Variants in IARS2 observed in about 807,000 individuals in gnomAD.
IARS2 encodes isoleucyl-tRNA synthetase 2, mitochondrial.
A neutral mutation model predicts 126.3 loss-of-function variants in IARS2; 56 were observed. That is an observed-to-expected ratio of 0.44 (90% confidence interval 0.36 to 0.55). The LOEUF (loss-of-function observed/expected upper bound fraction) is 0.55. Among genes scored for constraint, IARS2 ranks in the 20% least tolerant of loss-of-function variants. The pLI is 0.00. For synonymous variants in IARS2, 407 were observed against 441.1 expected (o/e 0.92, Z 0.97); for missense variants, 1,127 against 1,245.9 (o/e 0.90, Z 1.44).
At chr1:220,113,711 C>T (rs1656858317) in intron 11 of IARS2, among the ~76,000 whole-genome samples, 1 of 151,766 alleles carries the variant, frequency 6.6e-6, no homozygotes, top group Non-Finnish European at 1.5e-5. Context: ...CTGCCATGCT[C>T]ATAGCTCACT....
chr1:220,103,710 G>A, intron 8 of IARS2, 148 bp downstream of exon 8: 1 of 529,374 alleles, frequency 1.9e-6, no homozygotes, highest in Non-Finnish European at 3.4e-6. Context: ...CACTAAAGGA[G>A]AATATACATT....
intron 9 of IARS2, 146 bp from the exon 10 acceptor site, chr1:220,106,915 A>G: frequency 1.6e-6 from 1 of 611,202 alleles, no homozygotes; most frequent in South Asian, 1.9e-5. Flanking sequence ...TATAGGCCTG[A>G]GTGCCGCGCC....
chr1:220,139,133 A>G lies in IARS2; in HGVS notation c.2301A>G (p.Ala767=), dbSNP rs767983347. ...QYMLHLLQDL[A]NKITELYKQY... ...TGCTACACTTACTGCAGGATTTGGC[A>G]AACAAGGTAAATGTAAATTAATAAA... is the stretch of plus-strand genomic sequence containing the variant. Residue 767 remains alanine (A), a synonymous_variant, in exon 18 of 23, where the codon GCA becomes GCG. Transcript: ENST00000366922. 2.5e-6 allele frequency: 4 copies of G among 1,605,004 alleles called. No homozygotes were observed. The East Asian group carries it at 8.9e-5, about 36-fold the overall frequency.
chr1:220,141,712 C>T (rs768695805), intron 19 of IARS2, 91 bp from the exon 20 acceptor site: 50 of 1,246,614 alleles, frequency 4.0e-5, no homozygotes, highest in Non-Finnish European at 5.4e-5. Flanking sequence ...GGATTAGCCA[C>T]TAGGAATAAA....
At chr1:220,118,054 T>G (rs547104279) in intron 12 of IARS2, 32 of 432,564 alleles carry the variant, frequency 7.4e-5, no homozygotes, top group South Asian at 5.5e-4. Flanking sequence ...TTTGTTAATT[T>G]TATAAAACAG....
intron 10 of IARS2, among the ~76,000 whole-genome samples, chr1:220,108,099 T>C (rs2102821302): frequency 6.6e-6 from 1 of 152,130 alleles, no homozygotes; most frequent in South Asian, 2.1e-4. Flanking sequence ...CTCACTCTGT[T>C]GCCCAGGCTG....
chr1:220,105,135 T>C (rs959051185), intron 8 of IARS2, among the ~76,000 whole-genome samples: 3 of 152,160 alleles, frequency 2.0e-5, no homozygotes, highest in African/African-American at 7.2e-5. Flanking sequence ...ACACCCTCTC[T>C]CACTGTGTTG....
At chr1:220,117,133 A>AG (rs1656929077) in intron 12 of IARS2, among the ~76,000 whole-genome samples, 1 of 144,040 alleles carries the variant, frequency 6.9e-6, no homozygotes, top group African/African-American at 2.5e-5. Context: ...CACACTGGAA[A>AG]GTTTTTTTTT....
intron 2 of IARS2, among the ~76,000 whole-genome samples, chr1:220,098,311 A>G (rs1165121064): frequency 6.6e-6 from 1 of 152,180 alleles, no homozygotes; most frequent in Non-Finnish European, 1.5e-5. Context: ...CACACATGCT[A>G]ATTATAGTCT....
At chr1:220,113,006 G>A (rs1299470619) in intron 11 of IARS2, among the ~76,000 whole-genome samples, 1 of 152,034 alleles carries the variant, frequency 6.6e-6, no homozygotes, top group Non-Finnish European at 1.5e-5. Flanking sequence ...GGAATTATAG[G>A]CATGCACCAC....
At chr1:220,145,968 C>A (rs1312280981) in intron 22 of IARS2, among the ~76,000 whole-genome samples, 1 of 152,134 alleles carries the variant, frequency 6.6e-6, no homozygotes, top group East Asian at 1.9e-4. Flanking sequence ...TTGTGTCCCC[C>A]TGCTTTGATA....
chr1:220,143,156 T>C, intron 21 of IARS2, 22 bp downstream of exon 21: 1 of 1,581,670 alleles, frequency 6.3e-7, no homozygotes, highest in Non-Finnish European at 8.7e-7. Flanking sequence ...TATGTACCTT[T>C]TGAAATGGTG....
chr1:220,114,941 CTTT>C (rs5781165), intron 12 of IARS2, among the ~76,000 whole-genome samples: 2 of 144,032 alleles, frequency 1.4e-5, no homozygotes. Context: ...CAGTTTTTCC[CTTT>C]TTTTTTTTTT....
chr1:220,106,757 C>G (rs1329464071), intron 9 of IARS2, among the ~76,000 whole-genome samples: 1 of 151,690 alleles, frequency 6.6e-6, no homozygotes, highest in Non-Finnish European at 1.5e-5. Flanking sequence ...CTCAGCCTCC[C>G]GAGTAGCTGG....
chr1:220,147,651 C>A lies in IARS2; in HGVS notation c.*16C>A, dbSNP rs768954875. ...TGGAAAATAGTATTAACAGCTCACT[C>A]GAGCAAGAACCCTCCTGACAGTACT... is the stretch of plus-strand genomic sequence containing the variant. On this transcript the variant is annotated 3_prime_UTR_variant, in exon 23 of 23. Transcript: ENST00000366922. The A allele has an allele frequency of 3.1e-6, 5 of 1,612,952 alleles. No individual in the cohort carries two copies. In the East Asian group the frequency reaches 1.1e-4, roughly 36 times the overall value.
intron 10 of IARS2, 78 bp from the exon 11 acceptor site, chr1:220,110,708 T>G: frequency 8.8e-7 from 1 of 1,135,424 alleles, no homozygotes; most frequent in Non-Finnish European, 1.3e-6. Context: ...ATTTAGTATT[T>G]TCTGGAAGTT....
intron 12 of IARS2, among the ~76,000 whole-genome samples, chr1:220,120,955 A>C (rs563376419): frequency 8.9e-4 from 136 of 152,318 alleles, no homozygotes; most frequent in African/African-American, 3.1e-3. Flanking sequence ...ATATAAAGTA[A>C]GGAAGGAAGT....
intron 1 of IARS2, among the ~76,000 whole-genome samples, chr1:220,095,903 T>C (rs1656428521): frequency 6.6e-6 from 1 of 152,172 alleles, no homozygotes; most frequent in Admixed American, 6.5e-5. Context: ...TATGGGGACA[T>C]TACTGAAAGA....
Position 220,102,152 on chromosome 1 carries a change from A to G in IARS2, c.574A>G (p.Ile192Val), listed in dbSNP as rs771176238. The change falls in exon 4 of 23, where the codon ATT (isoleucine) becomes GTT (valine). Residue 192 changes from isoleucine (I) to valine (V), a missense_variant. By Grantham distance (29) the Ile-to-Val change is conservative. Coordinates refer to ENST00000366922, the MANE Select transcript of IARS2 (RefSeq NM_018060.4). The stretch of plus-strand genomic sequence containing the variant: ...AGCTAGATCATTTGCTAAAGCAGCC[A>G]TTGAGAAACAGAAATCAGCATTTAT... ...KKARSFAKAA[I>V]EKQKSAFIRW... 3.7e-6 allele frequency: 6 copies of G among 1,605,534 alleles called. No homozygotes were observed. The highest frequency in any genetic ancestry group is 1.8e-5 in the Admixed American group (1 of 56,904).
Sources: allele counts gnomAD v4.1 joint callset (sites outside exome capture counted in the v4.1 genomes callset), GRCh38; gene constraint gnomAD v4.1.1; transcripts MANE v1.5; gene names NCBI Gene and HGNC (gene_info 2026-07-23, HGNC 2026-07-21).